FAM135B: variants seen among roughly 807,000 people sequenced by gnomAD.
FAM135B encodes the protein protein FAM135B.
A neutral mutation model predicts 127.7 loss-of-function variants in FAM135B; 43 were observed. The ratio of observed to expected loss-of-function variants is 0.34; its 90% confidence interval spans 0.26 to 0.43. The LOEUF is 0.43. Ranked by LOEUF, FAM135B falls within the 20% of genes least tolerant of loss-of-function variation. The pLI, the probability that FAM135B is intolerant of heterozygous loss-of-function variation, is 1.00. For synonymous variants in FAM135B, 670 were observed against 665.1 expected (o/e 1.01, Z -0.11); for missense variants, 1,558 against 1,725.6 (o/e 0.90, Z 1.72).
intron 2 of FAM135B, among the ~76,000 whole-genome samples, chr8:138,331,732 A>G (rs1828196415): frequency 6.6e-6 from 1 of 152,184 alleles, no homozygotes; most frequent in South Asian, 2.1e-4. Context: ...TTGTTTGGTT[A>G]GTTTAGTTTC....
At chr8:138,207,801 C>T (rs899334729) in intron 7 of FAM135B, among the ~76,000 whole-genome samples, 4 of 152,100 alleles carry the variant, frequency 2.6e-5, no homozygotes, top group African/African-American at 9.7e-5. Context: ...CCTTGTTCTC[C>T]CTCAAAGGCG....
intron 9 of FAM135B, among the ~76,000 whole-genome samples, chr8:138,184,278 C>T (rs561596088): frequency 2.0e-4 from 31 of 152,212 alleles, no homozygotes; most frequent in Non-Finnish European, 4.0e-4. Flanking sequence ...GTGAGAGGAG[C>T]ATCACATGTC....
At chr8:138,271,079 T>C (rs1176062174) in intron 3 of FAM135B, among the ~76,000 whole-genome samples, 1 of 152,188 alleles carries the variant, frequency 6.6e-6, no homozygotes, top group Non-Finnish European at 1.5e-5. Flanking sequence ...CCACACTTCA[T>C]TGTGTCAGCC....
chr8:138,176,404 A>G (rs1037822488), intron 11 of FAM135B, among the ~76,000 whole-genome samples: 25 of 152,248 alleles, frequency 1.6e-4, no homozygotes, highest in African/African-American at 6.0e-4. Context: ...TAATTCTAGA[A>G]AATATATTCT....
rs529886433 is a variant in FAM135B, at chr8:138,451,405, A to G, written c.-20+45266T>C. Among the ~76,000 whole-genome samples, 40 of 152,366 alleles carry G rather than the reference A, an allele frequency of 2.6e-4. No individual in the cohort carries two copies. In the Middle Eastern group the frequency reaches 0.017, roughly 65 times the overall value. ...AGCAAAGGGCAGTTACTTGGACAGCAAGAAGATACTTGAAGAAATCCTAAA... is the reference window on the plus strand; with the variant it reads ...AGCAAAGGGCAGTTACTTGGACAGCGAGAAGATACTTGAAGAAATCCTAAA... On this transcript the variant is annotated intron_variant, in intron 1 of 19. Coordinates refer to ENST00000395297, the MANE Select transcript of FAM135B (RefSeq NM_015912.4).
intron 2 of FAM135B, among the ~76,000 whole-genome samples, chr8:138,354,834 C>T (rs751047374): frequency 2.6e-5 from 4 of 152,124 alleles, no homozygotes; most frequent in African/African-American, 9.6e-5. Flanking sequence ...AGGAAAACAT[C>T]GGCAAGAAGT....
intron 2 of FAM135B, among the ~76,000 whole-genome samples, chr8:138,359,700 A>G (rs1830297631): frequency 6.6e-6 from 1 of 152,222 alleles, no homozygotes; most frequent in African/African-American, 2.4e-5. Context: ...CAAATCAATT[A>G]ATCACTGGCA....
At position 138,143,049 on chromosome 8, in the gene FAM135B, G is replaced by T; in HGVS notation, c.3601C>A (p.His1201Asn). ...TDRLLDEIIQ[H>N]IQLYNLSISR... is the part of the protein sequence containing the mutation. The stretch of plus-strand genomic sequence containing the variant: ...ATGGAGAGGTTGTACAACTGAATGT[G>T]TTGAATGATTTCATCCAATAACCGA... Residue 1201 changes from histidine to asparagine, a missense_variant, in exon 16 of 20, where the codon CAC becomes AAC. Around this residue, in one of 5 missense-constraint regions of FAM135B, gnomAD observed 194 missense variants for 333.8 expected, o/e 0.58. Coordinates refer to ENST00000395297, the MANE Select transcript of FAM135B (RefSeq NM_015912.4). 1 of 1,609,200 alleles carries T rather than the reference G, an allele frequency of 6.2e-7. No homozygotes were observed. Among genetic ancestry groups the T allele is most frequent in the Non-Finnish European group, 8.5e-7 (1 of 1,175,504 alleles).
intron 1 of FAM135B, among the ~76,000 whole-genome samples, chr8:138,423,184 T>C (rs777462626): frequency 3.3e-5 from 5 of 151,990 alleles, no homozygotes; most frequent in Admixed American, 6.6e-5. Flanking sequence ...AGTATCTGAG[T>C]GATGAAATAA....
chr8:138,314,838 A>G (rs1187958931), intron 2 of FAM135B, among the ~76,000 whole-genome samples: 2 of 149,948 alleles, frequency 1.3e-5, no homozygotes, highest in Non-Finnish European at 3.0e-5. Flanking sequence ...TGAAATCACA[A>G]CACTGCACTC....
At chr8:138,205,086 T>A (rs756459148) in intron 7 of FAM135B, among the ~76,000 whole-genome samples, 1 of 152,236 alleles carries the variant, frequency 6.6e-6, no homozygotes, top group Non-Finnish European at 1.5e-5. Context: ...CCATTTTCAC[T>A]GATAAGAAAA....
intron 2 of FAM135B, among the ~76,000 whole-genome samples, chr8:138,323,209 C>G (rs1827572155): frequency 1.3e-5 from 2 of 152,216 alleles, no homozygotes; most frequent in South Asian, 4.1e-4. Flanking sequence ...CCCGCATTCT[C>G]CTTATTGACC....
intron 7 of FAM135B, among the ~76,000 whole-genome samples, chr8:138,237,074 A>G (rs1397065250): frequency 6.6e-6 from 1 of 151,836 alleles, no homozygotes; most frequent in Admixed American, 6.6e-5. Flanking sequence ...TCCTTATGTC[A>G]GTGAGAAGAA....
chr8:138,226,761 C>A (rs1027698547), intron 7 of FAM135B, among the ~76,000 whole-genome samples: 2 of 152,148 alleles, frequency 1.3e-5, no homozygotes, highest in African/African-American at 4.8e-5. Context: ...GGGGTTTCAC[C>A]ATGTTGGCCA....
chr8:138,362,337 G>A (rs983663313), intron 2 of FAM135B, among the ~76,000 whole-genome samples: 7 of 139,976 alleles, frequency 5.0e-5, no homozygotes, highest in African/African-American at 1.9e-4. Flanking sequence ...GGTGATGGTA[G>A]GGACCATTCA....
chr8:138,152,706 G>T lies in FAM135B; in HGVS notation c.1769C>A (p.Thr590Asn), dbSNP rs2130778943. The T allele has an allele frequency of 6.2e-7, 1 of 1,614,156 alleles. No homozygotes were observed. Among genetic ancestry groups the T allele is most frequent in the Admixed American group, 1.7e-5 (1 of 60,022 alleles). ...SSRDKYGLDR[T>N]GLSKVVVGGS... ...ACCTACTACCACTTTGCTTAGCCCA[G>T]TCCTGTCTAATCCATACTTATCTCT... The change falls in exon 13 of 20, where the codon ACT (threonine) becomes AAT (asparagine). Residue 590 changes from threonine to asparagine, a missense_variant. Physicochemically the swap from Thr to Asn is moderately conservative, Grantham distance 65 (BLOSUM62 0). Transcript: ENST00000395297.
At chr8:138,159,648 C>T (rs1341067084) in intron 12 of FAM135B, among the ~76,000 whole-genome samples, 1 of 151,922 alleles carries the variant, frequency 6.6e-6, no homozygotes, top group African/African-American at 2.4e-5. Context: ...CAATATATAC[C>T]TAATGTAAAT....
At chr8:138,412,130 G>T (rs1833904527) in intron 1 of FAM135B, among the ~76,000 whole-genome samples, 1 of 152,112 alleles carries the variant, frequency 6.6e-6, no homozygotes, top group African/African-American at 2.4e-5. Flanking sequence ...CCGCTACCTG[G>T]GTGATGGGAT....
At chr8:138,250,754 A>G in intron 6 of FAM135B, 87 bp downstream of exon 6, 7 of 1,447,832 alleles carry the variant, frequency 4.8e-6, no homozygotes, top group Non-Finnish European at 6.7e-6. Flanking sequence ...GCGTGTGCTG[A>G]TCTCTCCTGG....
Sources: gnomAD v4.1 joint callset for allele counts (sites outside exome capture counted in the v4.1 genomes callset) on GRCh38, gnomAD v4.1.1 for gene constraint, gnomAD v4.1.1 regional missense constraint, MANE v1.5 for transcripts, NCBI Gene and HGNC (gene_info 2026-07-23, HGNC 2026-07-21) for gene names.